The following SYTL2 variants were observed in gnomAD, a reference collection of about 807,000 sequenced individuals.
The protein encoded by SYTL2 is synaptotagmin-like protein 2.
SYTL2 carries 165 observed loss-of-function variants against 198.7 expected under a neutral mutation model. That is an observed-to-expected ratio of 0.83 (90% CI 0.73 to 0.94). The LOEUF is 0.94. SYTL2 is among the 40% of genes least tolerant of loss of function. The pLI, the probability that SYTL2 is intolerant of heterozygous loss-of-function variation, is 0.00. For missense variants in SYTL2, 2,835 were observed against 2,582.8 expected (o/e 1.10, Z -2.12); for synonymous variants, 966 against 917.7 (o/e 1.05, Z -0.95).
chr11:85,765,688 T>C (rs2092221762), intron 1 of SYTL2, among the ~76,000 whole-genome samples: 3 of 152,322 alleles, frequency 2.0e-5, no homozygotes, highest in South Asian at 4.1e-4. Flanking sequence ...AGACAGCTAG[T>C]ATCTTCTGGA....
chr11:85,848,909 G>C, the SYTL2 span, among the ~76,000 whole-genome samples: 2 of 152,124 alleles, frequency 1.3e-5, no homozygotes, highest in Admixed American at 1.3e-4. Context: ...AAAAAGACAT[G>C]TGGTATCTTT....
At chr11:85,712,294 C>T (rs1477324380) in intron 12 of SYTL2, among the ~76,000 whole-genome samples, 1 of 152,194 alleles carries the variant, frequency 6.6e-6, no homozygotes, top group East Asian at 1.9e-4. Context: ...TCTGTTGTCA[C>T]ACTCTCTCCC....
chr11:85,712,857 T>C (rs1162013236), intron 12 of SYTL2, among the ~76,000 whole-genome samples: 2 of 152,008 alleles, frequency 1.3e-5, no homozygotes, highest in African/African-American at 2.4e-5. Context: ...GCTGGGATTA[T>C]AGACATGAGC....
chr11:85,716,805 C>T (rs780350264), intron 11 of SYTL2: 2 of 151,532 alleles, frequency 1.3e-5, no homozygotes, highest in Non-Finnish European at 2.9e-5. Flanking sequence ...GTAGTCACAG[C>T]TAAGTAGAGT....
Position 85,726,726 on chromosome 11 carries a change from T to C in SYTL2, c.2632A>G (p.Lys878Glu), listed in dbSNP as rs1380875404. ...CCTGCTATTTGTGGCTTGGTCTCTT[T>C]AGATTTATTTGAGGAATAAGAATTG... ...LSNSYSSNKS[K>E]ETKPQIAGPS... is the part of the protein sequence containing the mutation. The change falls in exon 8 of 20, where the codon AAA (lysine) becomes GAA (glutamate). Residue 878 changes from lysine to glutamate, a missense_variant. Around this residue, in one of 3 missense-constraint regions of SYTL2, gnomAD observed 2,645 missense variants for 2,381.7 expected, o/e 1.11. Transcript: ENST00000359152. The C allele has an allele frequency of 5.2e-6, 8 of 1,536,036 alleles. No homozygotes were observed. The highest frequency in any genetic ancestry group is 1.2e-5 in the South Asian group (1 of 84,070).
intron 1 of SYTL2, among the ~76,000 whole-genome samples, chr11:85,772,609 A>G (rs750729248): frequency 2.6e-5 from 4 of 152,344 alleles, no homozygotes; most frequent in African/African-American, 7.2e-5. Context: ...ATGACCAACC[A>G]TATCTAAAAC....
At chr11:85,769,060 C>G (rs997188353) in intron 1 of SYTL2, among the ~76,000 whole-genome samples, 1 of 152,004 alleles carries the variant, frequency 6.6e-6, no homozygotes, top group Non-Finnish European at 1.5e-5. Flanking sequence ...CAAAACAATT[C>G]AATGGAATAC....
At chr11:85,705,172 CT>C (rs1235413753) in intron 15 of SYTL2, 144 bp from the exon 16 acceptor site, 18 of 556,614 alleles carry the variant, frequency 3.2e-5, no homozygotes, top group Non-Finnish European at 6.2e-6. Flanking sequence ...GCAAAGTCAT[CT>C]TATTCTAAGC....
At chr11:85,702,143 T>G (rs1317266980) in intron 16 of SYTL2, among the ~76,000 whole-genome samples, 1 of 152,034 alleles carries the variant, frequency 6.6e-6, no homozygotes, top group Non-Finnish European at 1.5e-5. Context: ...AAATGTATAT[T>G]CTTGGGCCCG....
intron 1 of SYTL2, among the ~76,000 whole-genome samples, chr11:85,778,792 C>T (rs4088048): frequency 0.057 from 8,703 of 152,178 alleles, 792 homozygotes; most frequent in African/African-American, 0.19. Flanking sequence ...GCCTGGGCCA[C>T]GTGGCAAAAC....
chr11:85,740,570 T>C (rs1317189073), intron 4 of SYTL2, among the ~76,000 whole-genome samples: 1 of 152,236 alleles, frequency 6.6e-6, no homozygotes, highest in Non-Finnish European at 1.5e-5. Flanking sequence ...GTGTCTTCTG[T>C]TTCTTAGAAT....
chr11:85,697,693 C>G (rs1194412249), intron 18 of SYTL2, among the ~76,000 whole-genome samples: 2 of 152,174 alleles, frequency 1.3e-5, no homozygotes, highest in South Asian at 2.1e-4. Context: ...TTAATAAACT[C>G]TTTTGAACTG....
At chr11:85,846,783 G>A in the SYTL2 span, among the ~76,000 whole-genome samples, 4 of 149,350 alleles carry the variant, frequency 2.7e-5, no homozygotes, top group Non-Finnish European at 4.4e-5. Context: ...CCAGGCTGGA[G>A]TGTGCAGTGG....
chr11:85,734,365 A>G lies in SYTL2; in HGVS notation c.964T>C (p.Ser322Pro). 6.2e-7 allele frequency: 1 copy of G among 1,614,200 alleles called. No homozygotes were observed. The highest frequency in any genetic ancestry group is 1.6e-4 in the Middle Eastern group (1 of 6,062). The change falls in exon 7 of 20, where the codon TCT becomes CCT. Residue 322 changes from serine (S) to proline (P), a missense_variant. By Grantham distance (74) the Ser-to-Pro change is moderately conservative (BLOSUM62 -1). This residue lies in a region of SYTL2 where 2,645 missense variants were observed against 2,381.7 expected (regional missense o/e 1.11). Coordinates refer to ENST00000359152, the MANE Select transcript of SYTL2 (RefSeq NM_206927.4). The part of the protein sequence containing the change: ...SEKEHSLEDN[S>P]SPNSLEPLKH... ...AATGGCTCCAGGGAGTTTGGGGAAGAGTTGTCTTCTAAAGAATGCTCCTTC... is the reference window on the plus strand; with the variant it reads ...AATGGCTCCAGGGAGTTTGGGGAAGGGTTGTCTTCTAAAGAATGCTCCTTC...
At chr11:85,799,528 C>T (rs554416459) in intron 1 of SYTL2, among the ~76,000 whole-genome samples, 5 of 152,306 alleles carry the variant, frequency 3.3e-5, no homozygotes, top group African/African-American at 1.2e-4. Context: ...AAAAAGCATC[C>T]AATCTCCTTA....
intron 1 of SYTL2, among the ~76,000 whole-genome samples, chr11:85,765,263 G>A (rs1218780467): frequency 1.3e-5 from 2 of 152,104 alleles, no homozygotes; most frequent in Admixed American, 1.3e-4. Context: ...TTGAGACAGA[G>A]TCTCGCCCTG....
chr11:85,778,237 A>C (rs2153595175), intron 1 of SYTL2, among the ~76,000 whole-genome samples: 1 of 152,298 alleles, frequency 6.6e-6, no homozygotes, highest in East Asian at 1.9e-4. Context: ...TAATTCATAC[A>C]ATGTAGGTTA....
intron 18 of SYTL2, among the ~76,000 whole-genome samples, chr11:85,697,146 T>C (rs528258793): frequency 1.3e-5 from 2 of 152,306 alleles, no homozygotes; most frequent in African/African-American, 2.4e-5. Flanking sequence ...TCTATAAAGA[T>C]AATGTGTAGG....
the SYTL2 span, among the ~76,000 whole-genome samples, chr11:85,842,885 A>G: frequency 1.3e-5 from 2 of 152,232 alleles, no homozygotes; most frequent in African/African-American, 2.4e-5. Flanking sequence ...GGAGGCAGTG[A>G]AGAGAGAGCC....
Sources: gnomAD v4.1 joint callset for allele counts (sites outside exome capture counted in the v4.1 genomes callset) on GRCh38, gnomAD v4.1.1 for gene constraint, gnomAD v4.1.1 regional missense constraint, MANE v1.5 for transcripts, NCBI Gene and HGNC (gene_info 2026-07-23, HGNC 2026-07-21) for gene names.